Variants in MEGF11 observed in about 807,000 individuals in gnomAD.
The protein encoded by MEGF11 is multiple epidermal growth factor-like domains protein 11.
Under a neutral mutation model 146.6 loss-of-function variants are expected in MEGF11, and 126 were observed. The ratio of observed to expected loss-of-function variants is 0.86; its 90% CI spans 0.74 to 1.00. MEGF11 has a LOEUF of 1.00. MEGF11 is among the 50% of genes least tolerant of loss of function. MEGF11 has a pLI of 0.00. For missense variants in MEGF11, 1,509 were observed against 1,521.2 expected, an observed-to-expected ratio of 0.99 and a Z score of 0.13; for synonymous variants, 532 against 583.4, an observed-to-expected ratio of 0.91 and a Z score of 1.27.
intron 5 of MEGF11, among the ~76,000 whole-genome samples, chr15:65,987,733 CAG>C (rs1478972867): frequency 6.6e-6 from 1 of 152,010 alleles, no homozygotes; most frequent in Admixed American, 6.6e-5. Context: ...ATTTTTTTGA[CAG>C]AGTCTTACTC....
intron 1 of MEGF11, among the ~76,000 whole-genome samples, chr15:66,150,052 A>G (rs1011056423): frequency 3.9e-5 from 6 of 152,056 alleles, no homozygotes; most frequent in African/African-American, 7.2e-5. Context: ...TCACTCTTTG[A>G]CTGAGTCAGA....
At chr15:66,227,455 A>G (rs1199510816) in intron 1 of MEGF11, among the ~76,000 whole-genome samples, 1 of 152,204 alleles carries the variant, frequency 6.6e-6, no homozygotes, top group Non-Finnish European at 1.5e-5. Context: ...CACACAAATG[A>G]AAACAGAAGT....
intron 5 of MEGF11, among the ~76,000 whole-genome samples, chr15:66,060,577 T>C (rs2084860475): frequency 6.6e-6 from 1 of 152,202 alleles, no homozygotes; most frequent in Admixed American, 6.5e-5. Context: ...CCACATCCTC[T>C]GTGAAGTGTA....
chr15:66,128,650 C>T (rs576450703), intron 1 of MEGF11, among the ~76,000 whole-genome samples: 53 of 152,212 alleles, frequency 3.5e-4, no homozygotes, highest in Admixed American at 1.0e-3. Flanking sequence ...CTCTGAGAAT[C>T]CAGTGAAAGG....
chr15:66,199,942 T>TAAAATAC (rs2140086327), intron 1 of MEGF11, among the ~76,000 whole-genome samples: 1 of 139,224 alleles, frequency 7.2e-6, no homozygotes, highest in African/African-American at 3.0e-5. Context: ...AAATAAAATA[T>TAAAATAC]GGTATATCTA....
chr15:66,069,036 A>G (rs1007370281), intron 5 of MEGF11, among the ~76,000 whole-genome samples: 5 of 152,246 alleles, frequency 3.3e-5, no homozygotes, highest in African/African-American at 1.2e-4. Context: ...GTCTGGACTG[A>G]GTCCTGCATC....
Position 65,970,656 on chromosome 15 carries a change from T to C in MEGF11, c.796A>G (p.Thr266Ala). 1.2e-6 allele frequency: 2 copies of C among 1,613,210 alleles called. No homozygotes were observed. The highest frequency in any genetic ancestry group is 1.7e-6 in the Non-Finnish European group (2 of 1,179,548). Residue 266 changes from threonine (T) to alanine (A), a missense_variant, in exon 8 of 26, where the codon ACA (threonine) becomes GCA (alanine). By Grantham distance (58) the Thr-to-Ala change is moderately conservative. Transcript: ENST00000395614. ...TCCTGGCTGCAGTTCTGGCCAAATG[T>C]CCCTGGTGGGCAGGGCTGGGCACAC... ...AVCAQPCPPG[T>A]FGQNCSQDCP...
chr15:66,138,421 A>C (rs2088992185), intron 1 of MEGF11, among the ~76,000 whole-genome samples: 1 of 152,224 alleles, frequency 6.6e-6, no homozygotes, highest in African/African-American at 2.4e-5. Flanking sequence ...GACACAGAAA[A>C]ATAGATGGAT....
At chr15:66,207,539 A>G (rs1202771680) in intron 1 of MEGF11, among the ~76,000 whole-genome samples, 1 of 152,270 alleles carries the variant, frequency 6.6e-6, no homozygotes, top group Non-Finnish European at 1.5e-5. Flanking sequence ...CTTCCCTACA[A>G]GAACTACTAA....
At chr15:66,207,756 A>C (rs1028868658) in intron 1 of MEGF11, among the ~76,000 whole-genome samples, 7 of 152,348 alleles carry the variant, frequency 4.6e-5, no homozygotes, top group African/African-American at 1.7e-4. Flanking sequence ...CACAGAATGT[A>C]TGATGTAATT....
At chr15:65,997,536 T>C (rs567130469) in intron 5 of MEGF11, among the ~76,000 whole-genome samples, 1 of 152,276 alleles carries the variant, frequency 6.6e-6, no homozygotes, top group Admixed American at 6.5e-5. Context: ...CTCTCCCCCA[T>C]CCTCTGGCTT....
At chr15:66,153,356 C>T (rs766006507) in intron 1 of MEGF11, among the ~76,000 whole-genome samples, 12 of 152,096 alleles carry the variant, frequency 7.9e-5, no homozygotes, top group African/African-American at 2.7e-4. Flanking sequence ...GAGAGGATCA[C>T]GAGGTCAGGA....
In MEGF11 at chr15:65,898,058, T is replaced by C. The variant is rs759025192; in HGVS notation, c.3299A>G (p.His1100Arg). Residue 1100 changes from histidine (H) to arginine (R), a missense_variant, in exon 26 of 26, where the codon CAT becomes CGT. Transcript: ENST00000395614. ...TVSVVQEGCG[H>R]NSSYIQNAYD... ...TGCATTCTGGATATAGCTGGAGTTA[T>C]GACCGCAACCTTCTTGGACCACACT... The C allele has an allele frequency of 4.5e-5, 72 of 1,613,914 alleles. No homozygotes were observed. The Middle Eastern group carries it at 4.9e-4, about 11-fold the overall frequency.
intron 5 of MEGF11, among the ~76,000 whole-genome samples, chr15:66,076,502 T>A (rs1026704132): frequency 3.3e-5 from 5 of 152,188 alleles, no homozygotes; most frequent in African/African-American, 1.2e-4. Flanking sequence ...GGGTTTTCCT[T>A]ATTAGAGGGT....
chr15:66,232,835 A>G (rs2091996393), intron 1 of MEGF11, among the ~76,000 whole-genome samples: 1 of 152,170 alleles, frequency 6.6e-6, no homozygotes, highest in Admixed American at 6.5e-5. Flanking sequence ...TCACCCAACA[A>G]CACTATAAGA....
intron 3 of MEGF11, among the ~76,000 whole-genome samples, 171 bp downstream of exon 3, chr15:66,123,728 T>C (rs956836462): frequency 6.6e-6 from 1 of 152,188 alleles, no homozygotes; most frequent in Non-Finnish European, 1.5e-5. Context: ...TGGCCTGTAC[T>C]ACCCGCAAGC....
intron 1 of MEGF11, among the ~76,000 whole-genome samples, chr15:66,232,536 T>C (rs1052726558): frequency 6.6e-6 from 1 of 152,098 alleles, no homozygotes; most frequent in African/African-American, 2.4e-5. Flanking sequence ...ATCCTAGCTC[T>C]AAAATCCTAG....
intron 10 of MEGF11, among the ~76,000 whole-genome samples, chr15:65,937,295 G>T (rs2079823176): frequency 6.6e-6 from 1 of 152,156 alleles, no homozygotes; most frequent in Non-Finnish European, 1.5e-5. Context: ...GTGAGCTGGG[G>T]AGTTTGCATT....
chr15:66,162,048 C>G (rs1261546119), intron 1 of MEGF11, among the ~76,000 whole-genome samples: 2 of 152,110 alleles, frequency 1.3e-5, no homozygotes, highest in African/African-American at 4.8e-5. Flanking sequence ...ATTTGAGGCC[C>G]ACGGAATTGA....
Sources: gnomAD v4.1 joint callset for allele counts (sites outside exome capture counted in the v4.1 genomes callset) on GRCh38, gnomAD v4.1.1 for gene constraint, MANE v1.5 for transcripts, NCBI Gene and HGNC (gene_info 2026-07-23, HGNC 2026-07-21) for gene names.